The following USP4 variants were observed in gnomAD, a reference collection of about 807,000 sequenced individuals.
USP4 encodes the protein ubiquitin specific peptidase 4.
A neutral mutation model predicts 118.2 loss-of-function variants in USP4; 72 were observed. The ratio of observed to expected loss-of-function variants is 0.61; its 90% CI spans 0.50 to 0.74. USP4 has a LOEUF of 0.74. Among genes scored for constraint, USP4 ranks in the 30% least tolerant of loss-of-function variants. The pLI, the probability that USP4 is intolerant of heterozygous loss-of-function variation, is 0.00. For missense variants in USP4, 1,037 were observed against 1,185.7 expected, an observed-to-expected ratio of 0.87 and a Z score of 1.84; for synonymous variants, 415 against 440.4, an observed-to-expected ratio of 0.94 and a Z score of 0.72.
chr3:49,279,152 A>G (rs1252896566), intron 20 of USP4: 1 of 257,282 alleles, frequency 3.9e-6, no homozygotes, highest in Admixed American at 5.5e-5. Flanking sequence ...ATTTTGGGAA[A>G]CTAATAGAAA....
intron 3 of USP4, among the ~76,000 whole-genome samples, chr3:49,326,484 C>A (rs1261596560): frequency 1.3e-5 from 2 of 152,048 alleles, no homozygotes; most frequent in Non-Finnish European, 2.9e-5. Context: ...ACAACCTGCA[C>A]CTCCTGGGTT....
chr3:49,282,435 T>C (rs780362498), intron 19 of USP4, among the ~76,000 whole-genome samples: 2 of 151,026 alleles, frequency 1.3e-5, no homozygotes, highest in Non-Finnish European at 3.0e-5. Flanking sequence ...CCACCATGCC[T>C]AGCTAATTTT....
chr3:49,322,013 A>G (rs2047508031), intron 6 of USP4, among the ~76,000 whole-genome samples: 1 of 152,010 alleles, frequency 6.6e-6, no homozygotes, highest in African/African-American at 2.4e-5. Flanking sequence ...CAAAAAAACA[A>G]AACCCCTGAG....
Position 49,292,554 on chromosome 3 carries a change from G to T in USP4, c.1928C>A (p.Pro643His), listed in dbSNP as rs375163038. The T allele has an allele frequency of 1.2e-6, 2 of 1,601,266 alleles. No homozygotes were observed. Reference protein sequence around the residue: ...QPLPDEFGSSPLEPGACNGSR... With the variant: ...QPLPDEFGSSHLEPGACNGSR... ...GCCATTGCAGGCCCCTGGCTCCAAGGGTGAGCTGCCAAACTCATCAGGTAA... is the reference window on the plus strand; with the variant it reads ...GCCATTGCAGGCCCCTGGCTCCAAGTGTGAGCTGCCAAACTCATCAGGTAA... The change falls in exon 15 of 22, where the codon CCC (proline) becomes CAC (histidine). Residue 643 changes from proline to histidine, a missense_variant. Around this residue, in one of 3 missense-constraint regions of USP4, gnomAD observed 522 missense variants for 592.6 expected, o/e 0.88. Coordinates refer to ENST00000265560, the MANE Select transcript of USP4 (RefSeq NM_003363.4).
Position 49,277,985 on chromosome 3 carries a change from C to G in USP4, c.*308G>C. 2.3e-6 allele frequency: 1 copy of G among 437,448 alleles called. No homozygotes were observed. The highest frequency in any genetic ancestry group is 6.7e-5 in the South Asian group (1 of 14,882). The allele number at this position is 437,448 out of a possible 1,614,324, so 27.1% of individuals were successfully genotyped here. On this transcript the variant is annotated 3_prime_UTR_variant, in exon 22 of 22. Transcript: ENST00000265560. ...CTGCTCCATACTCAGCGCCTGTGTT[C>G]CTCTCCATTCTTCGGGATCCATCAG...
chr3:49,293,151 G>A (rs2047167932), intron 14 of USP4, among the ~76,000 whole-genome samples: 2 of 151,468 alleles, frequency 1.3e-5, no homozygotes, highest in African/African-American at 4.8e-5. Context: ...GCCGAGGTGG[G>A]CAATCACCTG....
At chr3:49,323,271 TAAAA>T (rs1173500243) in intron 6 of USP4, among the ~76,000 whole-genome samples, 2 of 101,226 alleles carry the variant, frequency 2.0e-5, no homozygotes, top group African/African-American at 3.8e-5. Context: ...CTGGCCTTTT[TAAAA>T]AAAAAAAAAA....
At chr3:49,324,855 G>A in intron 5 of USP4, 39 bp downstream of exon 5, 1 of 1,613,884 alleles carries the variant, frequency 6.2e-7, no homozygotes, top group African/African-American at 1.3e-5. Flanking sequence ...CACACCCTGG[G>A]CAGAGCTACC....
intron 10 of USP4, among the ~76,000 whole-genome samples, chr3:49,302,015 C>T (rs2107780627): frequency 6.6e-6 from 1 of 152,024 alleles, no homozygotes; most frequent in South Asian, 2.1e-4. Flanking sequence ...AGTGAAATAT[C>T]AAACAAGCTC....
At chr3:49,312,802 AAAC>A (rs1181382773) in intron 6 of USP4, 1 of 155,152 alleles carries the variant, frequency 6.4e-6, no homozygotes, top group African/African-American at 2.4e-5. Context: ...TCTTAAAAAA[AAAC>A]AACAAAAAAA....
rs137916072 is a variant in USP4, at chr3:49,312,153, G to A, written c.696-499C>T. ...AGCCTGACCAACATGGAGAAACCCCGTCACTACTAAAAATACAAAATTAGG... is the reference window on the plus strand; with the variant it reads ...AGCCTGACCAACATGGAGAAACCCCATCACTACTAAAAATACAAAATTAGG... On this transcript the variant is annotated intron_variant, in intron 6 of 21. Transcript: ENST00000265560. 2.8e-4 allele frequency: 59 copies of A among 207,810 alleles called. 1 individual carries two copies. In the East Asian group the frequency reaches 6.9e-3, roughly 24 times the overall value. 12.9% of individuals were successfully genotyped at this position (207,810 alleles called of 1,614,324 possible).
rs111901573 is a variant in USP4, at chr3:49,307,814, C to CA, written c.955-1927dup. Among the ~76,000 whole-genome samples the CA allele has an allele frequency of 2.0e-5, 3 of 151,988 alleles. 1 individual carries two copies. Among genetic ancestry groups the CA allele is most frequent in the African/African-American group, 7.2e-5 (3 of 41,470 alleles). Reference sequence around the variant, plus strand: ...AACAAAACAAAACAAAACAAACAAACAAACAAAAAACATACATACAAAACA... The same window carrying CA: ...AACAAAACAAAACAAAACAAACAAACAAAACAAAAAACATACATACAAAACA... On this transcript the variant is annotated intron_variant, in intron 8 of 21. Transcript: ENST00000265560.
At chr3:49,290,090 C>T (rs2047137273) in intron 15 of USP4, among the ~76,000 whole-genome samples, 1 of 152,122 alleles carries the variant, frequency 6.6e-6, no homozygotes, top group South Asian at 2.1e-4. Flanking sequence ...CCACTGTATT[C>T]CAGCCATATT....
chr3:49,334,582 C>A (rs1027336155), intron 2 of USP4, among the ~76,000 whole-genome samples: 2 of 152,100 alleles, frequency 1.3e-5, no homozygotes, highest in African/African-American at 4.8e-5. Context: ...CCCGTCTCTA[C>A]CAAAAAACTT....
chr3:49,294,460 G>A lies in USP4; in HGVS notation c.1830C>T (p.Pro610=). ...LYGQPLLLSV[P]KHKLTLESLY... is the part of the protein sequence containing the mutation. ...AAGACTCAAGGGTTAACTTGTGCTT[G>A]GGGACAGAAAGCAATAGTGGCTGCC... The change falls in exon 14 of 22, where the codon CCC becomes CCT. Residue 610 remains proline (P), a synonymous_variant. Transcript: ENST00000265560. 1.2e-6 allele frequency: 2 copies of A among 1,614,178 alleles called. No homozygotes were observed. The highest frequency in any genetic ancestry group is 1.7e-6 in the Non-Finnish European group (2 of 1,180,028).
chr3:49,293,699 A>G (rs887127723), intron 14 of USP4: 1 of 151,976 alleles, frequency 6.6e-6, no homozygotes, highest in Non-Finnish European at 1.5e-5. Flanking sequence ...CCCACAAGAA[A>G]TTAGCCAATG....
chr3:49,313,901 C>G (rs1014324051), intron 6 of USP4: 1 of 151,602 alleles, frequency 6.6e-6, no homozygotes, highest in Non-Finnish European at 1.5e-5. Flanking sequence ...TAGCAACAGT[C>G]TCCTTATGTT....
intron 20 of USP4, among the ~76,000 whole-genome samples, chr3:49,279,774 A>T (rs2046998008): frequency 6.6e-6 from 1 of 152,214 alleles, no homozygotes; most frequent in African/African-American, 2.4e-5. Context: ...GGAAAGGGCA[A>T]CAGAGAAGGT....
chr3:49,316,239 C>A (rs778299889), intron 6 of USP4, among the ~76,000 whole-genome samples: 1 of 152,042 alleles, frequency 6.6e-6, no homozygotes, highest in Non-Finnish European at 1.5e-5. Flanking sequence ...AAGTATCCAG[C>A]GTCTGGTACC....
Sources: gnomAD v4.1 joint callset for allele counts (sites outside exome capture counted in the v4.1 genomes callset) on GRCh38, gnomAD v4.1.1 for gene constraint, gnomAD v4.1.1 regional missense constraint, MANE v1.5 for transcripts, NCBI Gene and HGNC (gene_info 2026-07-23, HGNC 2026-07-21) for gene names.